The following C4orf51 variants were observed in gnomAD, a reference collection of about 807,000 sequenced individuals.
C4orf51 encodes uncharacterized protein C4orf51.
C4orf51 carries 25 observed loss-of-function variants against 25.2 expected under a neutral mutation model. That is an observed-to-expected ratio of 0.99 (90% CI 0.72 to 1.39). The LOEUF (loss-of-function observed/expected upper bound fraction) is 1.39. Among genes scored for constraint, C4orf51 ranks in the 40% most tolerant of loss-of-function variants. The probability of loss-of-function intolerance (pLI) is 0.00; values close to 1 mark genes in which losing one functional copy is unlikely to be tolerated. For missense variants in C4orf51, 252 were observed against 239.6 expected (o/e 1.05, Z -0.34); for synonymous variants, 100 against 84.5 (o/e 1.18, Z -1.01).
At chr4:145,776,955 G>A in the C4orf51 span, among the ~76,000 whole-genome samples, 1 of 152,186 alleles carries the variant, frequency 6.6e-6, no homozygotes, top group African/African-American at 2.4e-5. Context: ...AAAAGGAGCA[G>A]GCTTTGCTTT....
At chr4:145,772,215 C>T (rs541413046), downstream of C4orf51, among the ~76,000 whole-genome samples, 107 of 152,330 alleles carry the variant, frequency 7.0e-4, 2 homozygotes, top group African/African-American at 2.5e-3. Flanking sequence ...ACTGAAGGTA[C>T]ATTGATTCCC....
At position 145,689,839 on chromosome 4, in the gene C4orf51, T is replaced by C. The variant is rs1729417787; in HGVS notation, c.234-6720T>C. On this transcript the variant is annotated intron_variant, in intron 1 of 5. Coordinates refer to ENST00000438731, the MANE Select transcript of C4orf51 (RefSeq NM_001080531.3). ...ATGCAGAAGAAGAAAGCTGGACCCC[T>C]ACCTTTCACCATATAAAAAAAATTA... Among the ~76,000 whole-genome samples the C allele has an allele frequency of 2.6e-5, 4 of 152,136 alleles. No homozygotes were observed. In the South Asian group the frequency reaches 8.3e-4, roughly 32 times the overall value.
intron 1 of C4orf51, among the ~76,000 whole-genome samples, chr4:145,744,006 A>G (rs929524780): frequency 7.2e-5 from 11 of 152,320 alleles, no homozygotes. Context: ...TTTTCCTTGT[A>G]TTATAATGCA....
chr4:145,730,110 G>A (rs535672690), intron 5 of C4orf51, 145 bp downstream of exon 5: 112 of 664,050 alleles, frequency 1.7e-4, no homozygotes, highest in Non-Finnish European at 2.5e-4. Flanking sequence ...TTACAATCAG[G>A]CAAAAAGCGG....
chr4:145,779,535 A>G, the C4orf51 span: 1 of 1,609,942 alleles, frequency 6.2e-7, no homozygotes, highest in South Asian at 1.1e-5. Flanking sequence ...ACAAAGCATC[A>G]TGAGAAATAA....
intron 2 of C4orf51, among the ~76,000 whole-genome samples, chr4:145,699,382 C>T (rs1272590056): frequency 3.3e-5 from 5 of 149,296 alleles, no homozygotes; most frequent in South Asian, 4.4e-4. Flanking sequence ...GTCCTCAGAC[C>T]GACCAGCCCA....
intron 4 of C4orf51, among the ~76,000 whole-genome samples, chr4:145,729,540 AT>A (rs1284117456): frequency 6.6e-6 from 1 of 151,942 alleles, no homozygotes; most frequent in African/African-American, 2.4e-5. Flanking sequence ...CGACCTTGTG[AT>A]CCTCCCTCCT....
intron 1 of C4orf51, among the ~76,000 whole-genome samples, chr4:145,766,196 C>T (rs1042428088): frequency 6.6e-6 from 1 of 152,060 alleles, no homozygotes; most frequent in African/African-American, 2.4e-5. Flanking sequence ...GGTTTGAGTT[C>T]GTCTGACTCC....
At chr4:145,722,227 A>G (rs1228382063) in intron 2 of C4orf51, among the ~76,000 whole-genome samples, 2 of 152,192 alleles carry the variant, frequency 1.3e-5, no homozygotes, top group African/African-American at 2.4e-5. Flanking sequence ...AGATTCACCA[A>G]TTGTTAATAT....
At chr4:145,694,060 C>T (rs1393796788) in intron 1 of C4orf51, among the ~76,000 whole-genome samples, 10 of 140,760 alleles carry the variant, frequency 7.1e-5, no homozygotes, top group Admixed American at 4.2e-4. Flanking sequence ...CCTCACCTCC[C>T]AGACGGGGTC....
chr4:145,746,484 A>G (rs1178702306), intron 1 of C4orf51, among the ~76,000 whole-genome samples: 1 of 152,084 alleles, frequency 6.6e-6, no homozygotes, highest in African/African-American at 2.4e-5. Context: ...TTTCCCCCCA[A>G]GGTATGTTCT....
intron 2 of C4orf51, among the ~76,000 whole-genome samples, chr4:145,698,894 A>C (rs1417027327): frequency 6.6e-6 from 1 of 152,150 alleles, no homozygotes; most frequent in Non-Finnish European, 1.5e-5. Context: ...AGATGGCCTG[A>C]AGTAACTGAA....
intron 3 of C4orf51, among the ~76,000 whole-genome samples, chr4:145,728,037 A>AATATATATTATATATAAT (rs1553966922): frequency 3.2e-5 from 4 of 123,324 alleles, no homozygotes; most frequent in Admixed American, 9.6e-5. Flanking sequence ...TATTATATAT[A>AATATATATTATATATAAT]ATATATATAT....
chr4:145,681,762 CT>C (rs893166457), intron 1 of C4orf51, among the ~76,000 whole-genome samples: 1 of 152,166 alleles, frequency 6.6e-6, no homozygotes, highest in African/African-American at 2.4e-5. Flanking sequence ...ACTGAACTTG[CT>C]TTATAAACAG....
At chr4:145,683,874 A>G (rs1560816364) in intron 1 of C4orf51, among the ~76,000 whole-genome samples, 2 of 152,256 alleles carry the variant, frequency 1.3e-5, no homozygotes, top group Non-Finnish European at 2.9e-5. Flanking sequence ...CAAAGGTATG[A>G]TCCATCAAAG....
chr4:145,777,210 T>C, the C4orf51 span, among the ~76,000 whole-genome samples: 146,073 of 152,328 alleles, frequency 0.96, 70,105 homozygotes, highest in African/African-American at 0.99. Flanking sequence ...GGAGCCCCAC[T>C]GTCCAGATAA....
At chr4:145,735,892 G>A (rs912088729), downstream of C4orf51, among the ~76,000 whole-genome samples, 1 of 152,166 alleles carries the variant, frequency 6.6e-6, no homozygotes, top group Admixed American at 6.5e-5. Flanking sequence ...CTGGTTCTGC[G>A]AGAGAATGGG....
intron 2 of C4orf51, among the ~76,000 whole-genome samples, chr4:145,719,751 ACTT>A (rs1220079704): frequency 2.0e-5 from 3 of 152,182 alleles, no homozygotes; most frequent in Non-Finnish European, 4.4e-5. Flanking sequence ...AGTTATATTC[ACTT>A]CTTCTCCATC....
At chr4:145,724,171 A>AG (rs1731909234) in intron 2 of C4orf51, among the ~76,000 whole-genome samples, 1 of 152,218 alleles carries the variant, frequency 6.6e-6, no homozygotes, top group Admixed American at 6.5e-5. Context: ...AATTCTTGAA[A>AG]GGAAGGGTAG....
Sources: allele counts gnomAD v4.1 joint callset (sites outside exome capture counted in the v4.1 genomes callset), GRCh38; gene constraint gnomAD v4.1.1; transcripts MANE v1.5; gene names NCBI Gene and HGNC (gene_info 2026-07-23, HGNC 2026-07-21).